The following SENP6 variants were observed in gnomAD, a reference collection of about 807,000 sequenced individuals.
SENP6 encodes the protein sentrin-specific protease 6.
Under a neutral mutation model 134.5 loss-of-function variants are expected in SENP6, and 41 were observed. That is an observed-to-expected ratio of 0.30 (90% CI 0.24 to 0.40). The LOEUF is 0.40. Among genes scored for constraint, SENP6 ranks in the 10% least tolerant of loss-of-function variants. The pLI is 1.00. For synonymous variants in SENP6, 395 were observed against 429.8 expected, an observed-to-expected ratio of 0.92 and a Z score of 1.00; for missense variants, 1,248 against 1,312.5, an observed-to-expected ratio of 0.95 and a Z score of 0.76.
intron 3 of SENP6, among the ~76,000 whole-genome samples, chr6:75,630,302 T>C (rs1218313963): frequency 6.6e-6 from 1 of 152,136 alleles, no homozygotes; most frequent in African/African-American, 2.4e-5. Flanking sequence ...ACTCCTAACC[T>C]GAGGTGATCC....
intron 10 of SENP6, among the ~76,000 whole-genome samples, chr6:75,668,737 T>G (rs1234849022): frequency 6.6e-6 from 1 of 152,222 alleles, no homozygotes; most frequent in Non-Finnish European, 1.5e-5. Context: ...CGCAAGAGAT[T>G]GGAAAGAACT....
intron 16 of SENP6, among the ~76,000 whole-genome samples, chr6:75,681,448 A>G (rs1582846153): frequency 6.7e-6 from 1 of 149,432 alleles, no homozygotes. Context: ...TAAATTACCC[A>G]GTCTCAGGTA....
At chr6:75,715,227 C>T (rs1775964009) in intron 23 of SENP6, among the ~76,000 whole-genome samples, 158 bp from the exon 24 acceptor site, 1 of 152,064 alleles carries the variant, frequency 6.6e-6, no homozygotes, top group Non-Finnish European at 1.5e-5. Context: ...CTTGTATCTC[C>T]AATACCTAAC....
rs373788740 is a variant in SENP6, at chr6:75,702,953, A to G, written c.2597A>G (p.His866Arg). Reference sequence around the variant, plus strand: ...AAATACAGTGTGAAAAAAATAAATCATACTGCGAGTGAAAATGAAGAATTC... The same window carrying G: ...AAATACAGTGTGAAAAAAATAAATCGTACTGCGAGTGAAAATGAAGAATTC... ...SVKYSVKKIN[H>R]TASENEEFNK... Residue 866 changes from histidine to arginine, a missense_variant, in exon 19 of 24, where the codon CAT (histidine) becomes CGT (arginine). His to Arg is a conservative substitution (Grantham distance 29). Around this residue, in one of 3 missense-constraint regions of SENP6, gnomAD observed 386 missense variants for 395.0 expected, o/e 0.98. Transcript: ENST00000447266. The G allele has an allele frequency of 3.4e-5, 55 of 1,613,996 alleles. No individual in the cohort carries two copies. Among genetic ancestry groups the G allele is most frequent in the Non-Finnish European group, 4.6e-5 (54 of 1,179,954 alleles).
At chr6:75,663,131 A>G in intron 8 of SENP6, 90 bp from the exon 9 acceptor site, 1 of 1,220,944 alleles carries the variant, frequency 8.2e-7, no homozygotes. Flanking sequence ...TTTGGAACTT[A>G]AAGTTTATGA....
intron 3 of SENP6, among the ~76,000 whole-genome samples, chr6:75,624,625 G>A (rs1393561429): frequency 6.6e-6 from 1 of 152,072 alleles, no homozygotes; most frequent in Non-Finnish European, 1.5e-5. Context: ...TATTTTTTGT[G>A]AGGTTGAACA....
Position 75,644,784 on chromosome 6 carries a change from C to A in SENP6, c.480-2947C>A, listed in dbSNP as rs1033374464. Among the ~76,000 whole-genome samples, 8 of 152,294 alleles carry A rather than the reference C, an allele frequency of 5.3e-5. No homozygotes were observed. In the South Asian group the frequency reaches 6.2e-4, roughly 12 times the overall value. On this transcript the variant is annotated intron_variant, in intron 6 of 23. Transcript: ENST00000447266. Reference sequence around the variant, plus strand: ...ACAGGCATGAGCCACCTTGCCCAGCCGGTAAATTTCTAAGGCTAGAATTTA... The same window carrying A: ...ACAGGCATGAGCCACCTTGCCCAGCAGGTAAATTTCTAAGGCTAGAATTTA...
intron 16 of SENP6, among the ~76,000 whole-genome samples, chr6:75,680,297 A>G (rs945073906): frequency 1.3e-5 from 2 of 152,176 alleles, no homozygotes; most frequent in African/African-American, 4.8e-5. Context: ...GGAGGGGATA[A>G]GTTCCCTTTT....
chr6:75,623,897 T>TA lies in SENP6; in HGVS notation c.147-2dup, dbSNP rs774511964. 1.2e-6 allele frequency: 2 copies of TA among 1,602,534 alleles called. No homozygotes were observed. Among genetic ancestry groups the TA allele is most frequent in the Non-Finnish European group, 1.7e-6 (2 of 1,174,252 alleles). On this transcript the variant is annotated splice_region_variant and splice_polypyrimidine_tract_variant and intron_variant, in intron 2 of 23. Coordinates refer to ENST00000447266, the MANE Select transcript of SENP6 (RefSeq NM_015571.4). ...TGTTTTTTTCCCCTTATTTTCTGTGTAGTGGGACAAATCTGCTCAGTGTGG... is the reference window on the plus strand; with the variant it reads ...TGTTTTTTTCCCCTTATTTTCTGTGTAAGTGGGACAAATCTGCTCAGTGTGG...
At position 75,647,776 on chromosome 6, in the gene SENP6, A is replaced by G; in HGVS notation, c.525A>G (p.Val175=). ...PHVQKVEINP[V]RLSRLQGVER... ...TCCAAAAAGTTGAAATTAATCCTGT[A>G]AGGTTAAGTCGGCTCCAAGGTGTTG... is the stretch of plus-strand genomic sequence containing the variant. Residue 175 remains valine (V), a synonymous_variant, in exon 7 of 24, where the codon GTA becomes GTG. Transcript: ENST00000447266. 6.2e-7 allele frequency: 1 copy of G among 1,612,974 alleles called. No individual in the cohort carries two copies. The highest frequency in any genetic ancestry group is 2.2e-5 in the East Asian group (1 of 44,740).
In SENP6 at chr6:75,623,899, G is replaced by A; in HGVS notation, c.147-1G>A. ...TTTTTTTCCCCTTATTTTCTGTGTA[G>A]TGGGACAAATCTGCTCAGTGTGGAT... On this transcript the variant is annotated splice_acceptor_variant, in intron 2 of 23. Coordinates refer to ENST00000447266, the MANE Select transcript of SENP6 (RefSeq NM_015571.4). LOFTEE classifies it high-confidence loss of function. The A allele has an allele frequency of 6.2e-7, 1 of 1,602,288 alleles. No homozygotes were observed. Among genetic ancestry groups the A allele is most frequent in the Non-Finnish European group, 8.5e-7 (1 of 1,174,050 alleles).
At chr6:75,627,169 T>A (rs1281583431) in intron 3 of SENP6, among the ~76,000 whole-genome samples, 2 of 151,886 alleles carry the variant, frequency 1.3e-5, no homozygotes, top group African/African-American at 2.4e-5. Flanking sequence ...ACCATGTTGG[T>A]CAGGCTGGTC....
intron 16 of SENP6, among the ~76,000 whole-genome samples, chr6:75,690,109 C>T (rs1207164512): frequency 2.0e-5 from 3 of 152,166 alleles, no homozygotes; most frequent in Non-Finnish European, 2.9e-5. Flanking sequence ...TGGTGTCTCA[C>T]TTTGTTGGCC....
chr6:75,632,915 T>C (rs1769220538), intron 3 of SENP6, among the ~76,000 whole-genome samples: 1 of 152,184 alleles, frequency 6.6e-6, no homozygotes. Context: ...GGTGAGTAGA[T>C]GTGCCAGGAT....
intron 3 of SENP6, among the ~76,000 whole-genome samples, chr6:75,627,979 A>G (rs1768829132): frequency 6.6e-6 from 1 of 152,144 alleles, no homozygotes; most frequent in Non-Finnish European, 1.5e-5. Context: ...GCCTGCTTTC[A>G]GATTTCTTAT....
chr6:75,624,453 C>T (rs1008946651), intron 3 of SENP6, among the ~76,000 whole-genome samples: 1 of 152,066 alleles, frequency 6.6e-6, no homozygotes, highest in Non-Finnish European at 1.5e-5. Flanking sequence ...GGTTGCACTG[C>T]TTTATCAGGA....
chr6:75,623,732 G>A (rs1313094958), intron 2 of SENP6, among the ~76,000 whole-genome samples, 168 bp from the exon 3 acceptor site: 1 of 152,222 alleles, frequency 6.6e-6, no homozygotes, highest in East Asian at 1.9e-4. Context: ...TACAACATAT[G>A]AGTAGCTGCT....
intron 3 of SENP6, among the ~76,000 whole-genome samples, chr6:75,625,411 G>A (rs1284589551): frequency 6.6e-6 from 1 of 151,902 alleles, no homozygotes; most frequent in Non-Finnish European, 1.5e-5. Flanking sequence ...CACCGTGCCT[G>A]GCCATTACTA....
At chr6:75,666,501 C>A (rs1301015325) in intron 9 of SENP6, among the ~76,000 whole-genome samples, 8 of 151,234 alleles carry the variant, frequency 5.3e-5, no homozygotes, top group Admixed American at 6.6e-5. Context: ...GATACCAAGT[C>A]TTAATGCTTT....
Sources: allele counts gnomAD v4.1 joint callset (sites outside exome capture counted in the v4.1 genomes callset), GRCh38; gene constraint gnomAD v4.1.1; regional missense constraint gnomAD v4.1.1; transcripts MANE v1.5; gene names NCBI Gene and HGNC (gene_info 2026-07-23, HGNC 2026-07-21).